The following OCA2 variants were observed in gnomAD, a reference collection of about 807,000 sequenced individuals.
OCA2 encodes the protein P protein.
In OCA2, 77 loss-of-function variants were observed where a neutral mutation model predicts 100.2. The observed-to-expected ratio is 0.77, with a 90% CI of 0.64 to 0.93. OCA2 has a LOEUF of 0.93. Ranked by LOEUF, OCA2 falls within the 40% of genes least tolerant of loss-of-function variation. OCA2 has a pLI of 0.00. For synonymous variants in OCA2, 432 were observed against 439.2 expected (o/e 0.98, Z 0.21); for missense variants, 1,062 against 1,089.1 (o/e 0.98, Z 0.35).
chr15:27,880,210 T>G (rs2036958534), intron 19 of OCA2, among the ~76,000 whole-genome samples: 1 of 152,218 alleles, frequency 6.6e-6, no homozygotes, highest in Admixed American at 6.5e-5. Context: ...CATTGGTCTA[T>G]GTGTCTGTTT....
the OCA2 span, among the ~76,000 whole-genome samples, chr15:27,741,785 G>T: frequency 1.3e-5 from 2 of 152,186 alleles, no homozygotes; most frequent in East Asian, 3.9e-4. Flanking sequence ...GGACAGCAGA[G>T]CTCAAGGAAA....
chr15:28,047,615 C>T (rs958775584), intron 2 of OCA2, among the ~76,000 whole-genome samples: 1 of 152,080 alleles, frequency 6.6e-6, no homozygotes, highest in African/African-American at 2.4e-5. Flanking sequence ...ACTGCCTCAA[C>T]GTGATAAAGG....
chr15:27,859,813 T>A (rs1179847640), intron 21 of OCA2, among the ~76,000 whole-genome samples: 6 of 151,780 alleles, frequency 4.0e-5, no homozygotes, highest in African/African-American at 1.5e-4. Context: ...AGCCATTGCC[T>A]CCACAAACAT....
intron 3 of OCA2, 49 bp from the exon 4 acceptor site, chr15:28,028,108 AC>A (rs1181114607): frequency 6.2e-7 from 1 of 1,602,334 alleles, no homozygotes; most frequent in African/African-American, 1.3e-5. Context: ...AGTAATGGCT[AC>A]AAAGCAAGCT....
intron 19 of OCA2, among the ~76,000 whole-genome samples, chr15:27,901,843 C>T (rs1199006683): frequency 6.6e-6 from 1 of 152,148 alleles, no homozygotes; most frequent in African/African-American, 2.4e-5. Context: ...CCCAATAGGG[C>T]CCTGCTCACC....
intron 19 of OCA2, among the ~76,000 whole-genome samples, chr15:27,897,563 C>T (rs921871959): frequency 6.6e-6 from 1 of 152,214 alleles, no homozygotes; most frequent in Non-Finnish European, 1.5e-5. Context: ...GAACCCTCCA[C>T]CTAGATTTCA....
At chr15:27,933,966 T>C (rs1266529451) in intron 18 of OCA2, among the ~76,000 whole-genome samples, 1 of 152,204 alleles carries the variant, frequency 6.6e-6, no homozygotes, top group Non-Finnish European at 1.5e-5. Flanking sequence ...ATATCACATA[T>C]GTATTTGATA....
In OCA2 at chr15:27,800,366, AT is replaced by A. The variant is rs112216562; in HGVS notation, c.2432+44592del. Among the ~76,000 whole-genome samples, 31 of 152,194 alleles carry A rather than the reference AT, an allele frequency of 2.0e-4. No homozygotes were observed. In the East Asian group the frequency reaches 3.1e-3, roughly 15 times the overall value. ...CAAGATCAAAGGAGAAATCAATGAA[AT>A]TTAAAAAAACACAGAATGAAATCGA... On this transcript the variant is annotated intron_variant, in intron 23 of 23. Transcript: ENST00000354638.
chr15:28,095,958 C>T (rs2044970391), intron 1 of OCA2, among the ~76,000 whole-genome samples: 1 of 152,196 alleles, frequency 6.6e-6, no homozygotes, highest in African/African-American at 2.4e-5. Context: ...ATGCGCTGCT[C>T]AGCCCCAAGG....
chr15:28,094,533 A>G (rs1228342907), intron 1 of OCA2, among the ~76,000 whole-genome samples: 2 of 152,164 alleles, frequency 1.3e-5, no homozygotes, highest in Admixed American at 6.5e-5. Context: ...CAAATTTTAG[A>G]AAGAAAAAAT....
chr15:28,066,587 G>A (rs1176653858), intron 2 of OCA2, among the ~76,000 whole-genome samples: 1 of 152,096 alleles, frequency 6.6e-6, no homozygotes, highest in Non-Finnish European at 1.5e-5. Context: ...ATGACAGACA[G>A]CAGACCCTAA....
At chr15:27,913,030 C>T (rs1387295595) in intron 19 of OCA2, among the ~76,000 whole-genome samples, 4 of 152,064 alleles carry the variant, frequency 2.6e-5, no homozygotes, top group Non-Finnish European at 1.5e-5. Flanking sequence ...TACAAGGTAA[C>T]TAACTAATAC....
chr15:27,976,487 G>T (rs1318309265), intron 14 of OCA2, among the ~76,000 whole-genome samples: 1 of 152,000 alleles, frequency 6.6e-6, no homozygotes, highest in African/African-American at 2.4e-5. Context: ...TTTGCCAAAT[G>T]TTTTTTCTGC....
chr15:28,096,029 G>C (rs1438557212), intron 1 of OCA2, among the ~76,000 whole-genome samples: 3 of 152,200 alleles, frequency 2.0e-5, no homozygotes, highest in South Asian at 2.1e-4. Context: ...TGGGTCCACA[G>C]GGCATGGCTG....
chr15:27,851,487 G>T lies in OCA2; in HGVS notation c.2245-12C>A. The T allele has an allele frequency of 6.2e-7, 1 of 1,609,138 alleles. No individual in the cohort carries two copies. Among genetic ancestry groups the T allele is most frequent in the Non-Finnish European group, 8.5e-7 (1 of 1,176,938 alleles). On this transcript the variant is annotated splice_polypyrimidine_tract_variant and intron_variant, in intron 21 of 23. Coordinates refer to ENST00000354638, the MANE Select transcript of OCA2 (RefSeq NM_000275.3). ...AGGAGCACGGGAATCTGTGGAGGAA[G>T]AGGACATTGATGCCACGTCCCATGG...
chr15:28,061,192 G>A (rs1363051422), intron 2 of OCA2, among the ~76,000 whole-genome samples: 1 of 152,236 alleles, frequency 6.6e-6, no homozygotes, highest in East Asian at 1.9e-4. Context: ...GCAGAAGCCA[G>A]AAGTGAAGAA....
At chr15:27,725,213 A>G in the OCA2 span, among the ~76,000 whole-genome samples, 149 of 152,320 alleles carry the variant, frequency 9.8e-4, 5 homozygotes, top group South Asian at 0.03. Context: ...GTGCCTGTCT[A>G]TTGCTTTACT....
intron 2 of OCA2, among the ~76,000 whole-genome samples, chr15:28,038,162 CT>C (rs1202518865): frequency 6.6e-6 from 1 of 152,220 alleles, no homozygotes; most frequent in Non-Finnish European, 1.5e-5. Context: ...CTGACCCAAG[CT>C]GCCTTTCCAG....
At chr15:27,930,163 T>C (rs531105522) in intron 18 of OCA2, among the ~76,000 whole-genome samples, 1 of 152,148 alleles carries the variant, frequency 6.6e-6, no homozygotes, top group African/African-American at 2.4e-5. Context: ...AATTAAAGCA[T>C]AAGGTAACAC....
Sources: allele counts gnomAD v4.1 joint callset (sites outside exome capture counted in the v4.1 genomes callset), GRCh38; gene constraint gnomAD v4.1.1; transcripts MANE v1.5; gene names NCBI Gene and HGNC (gene_info 2026-07-23, HGNC 2026-07-21).